ZPBP2: variants seen among roughly 807,000 people sequenced by gnomAD.
ZPBP2 encodes zona pellucida binding protein 2, also known as zona pellucida-binding protein 2.
Under a neutral mutation model 37.5 loss-of-function variants are expected in ZPBP2, and 34 were observed. The ratio of observed to expected loss-of-function variants is 0.91; its 90% CI spans 0.69 to 1.21. The LOEUF (loss-of-function observed/expected upper bound fraction) is 1.21, where lower values mean the gene tolerates loss of function less well. ZPBP2 is among the 50% of genes most tolerant of loss of function. The pLI is 0.00. For synonymous variants in ZPBP2, 143 were observed against 138.4 expected, an observed-to-expected ratio of 1.03 and a Z score of -0.23; for missense variants, 397 against 413.5, an observed-to-expected ratio of 0.96 and a Z score of 0.35.
chr17:39,872,524 G>A (rs375443146), intron 5 of ZPBP2, 36 bp downstream of exon 5: 2 of 1,346,224 alleles, frequency 1.5e-6, no homozygotes, highest in African/African-American at 3.0e-5. Context: ...TTTGAATTTA[G>A]TCCTGAACCA....
rs771127144 is a variant in ZPBP2 at position 39,872,500 on chromosome 17, A to G, written c.625+12A>G. On this transcript the variant is annotated intron_variant, in intron 5 of 7. Transcript: ENST00000348931. ...TATAGCATTTCAAGGTAAAATTTTT[A>G]AAATTTCTTTAATTTTGAATTTAGT... is the stretch of plus-strand genomic sequence containing the variant. 1.9e-6 allele frequency: 3 copies of G among 1,539,642 alleles called. No individual in the cohort carries two copies. In the South Asian group the frequency reaches 3.7e-5, roughly 19 times the overall value.
In ZPBP2 at chr17:39,874,033, G is replaced by GGAGT. The variant is rs544219564; in HGVS notation, c.708+909_708+912dup. 8.2e-5 allele frequency among the ~76,000 whole-genome samples: 11 copies of GGAGT among 134,710 alleles called. 1 individual carries two copies. In the South Asian group the frequency reaches 2.5e-3, roughly 31 times the overall value. The allele number at this position is 134,710 out of a possible 152,430, so 88.4% of individuals were successfully genotyped here. On this transcript the variant is annotated intron_variant, in intron 6 of 7. Coordinates refer to ENST00000348931, the MANE Select transcript of ZPBP2 (RefSeq NM_199321.3). ...GGAGTCTTGCTCTGTTGCCCAGGCT[G>GGAGT]GAGTGCAGTGGTGGCCATCTCAGCT...
chr17:39,876,820 ATTGTTACTTAC>A lies in ZPBP2; in HGVS notation c.*16_*26del. The A allele has an allele frequency of 6.2e-7, 1 of 1,612,950 alleles. No homozygotes were observed. The highest frequency in any genetic ancestry group is 8.5e-7 in the Non-Finnish European group (1 of 1,179,288). ...CAATATGAAGATTAGAGGTGAAAGC[ATTGTTACTTAC>A]TTGTGGAAGTCGGGGACATAAGATG... On this transcript the variant is annotated 3_prime_UTR_variant, in exon 8 of 8. Coordinates refer to ENST00000348931, the MANE Select transcript of ZPBP2 (RefSeq NM_199321.3).
At chr17:39,869,775 T>G (rs1442986905) in intron 2 of ZPBP2, among the ~76,000 whole-genome samples, 1 of 138,266 alleles carries the variant, frequency 7.2e-6, no homozygotes, top group Non-Finnish European at 1.5e-5. Flanking sequence ...TGCAGTGGTG[T>G]GATCTCGGGT....
At chr17:39,871,379 T>A (rs2063363791) in intron 3 of ZPBP2, 85 bp from the exon 4 acceptor site, 2 of 958,214 alleles carry the variant, frequency 2.1e-6, no homozygotes, top group East Asian at 3.0e-5. Context: ...ATTTTTAAAA[T>A]TTTTGTATCT....
intron 6 of ZPBP2, 57 bp downstream of exon 6, chr17:39,873,183 G>A: frequency 1.9e-6 from 3 of 1,542,692 alleles, no homozygotes; most frequent in Non-Finnish European, 2.6e-6. Context: ...TAGAGACAGG[G>A]TGTCACCCAG....
chr17:39,876,213 C>A (rs1241950246), intron 7 of ZPBP2, among the ~76,000 whole-genome samples: 1 of 152,038 alleles, frequency 6.6e-6, no homozygotes, highest in Non-Finnish European at 1.5e-5. Flanking sequence ...GCCACTGCGC[C>A]CAGCCAAAGC....
intron 2 of ZPBP2, among the ~76,000 whole-genome samples, chr17:39,869,948 A>G (rs1313452635): frequency 6.6e-6 from 1 of 151,724 alleles, no homozygotes; most frequent in Non-Finnish European, 1.5e-5. Context: ...CTCCTGAGCT[A>G]GGTGACCCAC....
chr17:39,871,569 A>C lies in ZPBP2; in HGVS notation c.350A>C (p.Lys117Thr). The C allele has an allele frequency of 6.2e-7, 1 of 1,601,368 alleles. No homozygotes were observed. The highest frequency in any genetic ancestry group is 1.1e-5 in the South Asian group (1 of 87,608). The change falls in exon 4 of 8, where the codon AAA becomes ACA. Residue 117 changes from lysine (K) to threonine (T), a missense_variant. Transcript: ENST00000348931. ...YTCTLSYKTV[K>T]AETQEEKTVK... ...TGTACTCTTTCTTATAAGACTGTTAAAGCAGAAACTCAAGAAGAAAAAACA... is the reference window on the plus strand; with the variant it reads ...TGTACTCTTTCTTATAAGACTGTTACAGCAGAAACTCAAGAAGAAAAAACA...
At chr17:39,875,629 C>T in intron 7 of ZPBP2, among the ~76,000 whole-genome samples, 195 bp downstream of exon 7, 1 of 150,456 alleles carries the variant, frequency 6.6e-6, no homozygotes. Context: ...GATAGAGTCT[C>T]ACTCTTTCAC....
chr17:39,875,310 C>T lies in ZPBP2; in HGVS notation c.765C>T (p.Asn255=), dbSNP rs770713899. ...FRSQAYIFYH[N]FNKTLPAMHF... is the part of the protein sequence containing the mutation. The stretch of plus-strand genomic sequence containing the variant: ...GCCAAGCATATATTTTCTACCATAA[C>T]TTTAATAAAACTCTACCAGCAATGC... The change falls in exon 7 of 8, where the codon AAC becomes AAT. Residue 255 remains asparagine, a synonymous_variant. Transcript: ENST00000348931. 1.2e-6 allele frequency: 2 copies of T among 1,613,978 alleles called. No individual in the cohort carries two copies. Among genetic ancestry groups the T allele is most frequent in the East Asian group, 2.2e-5 (1 of 44,878 alleles).
rs199994111 is a variant in ZPBP2 at position 39,868,421 on chromosome 17, A to G, written c.52+15A>G. The G allele has an allele frequency of 4.1e-5, 66 of 1,610,644 alleles. No homozygotes were observed. The highest frequency in any genetic ancestry group is 5.5e-5 in the Non-Finnish European group (65 of 1,179,816). On this transcript the variant is annotated intron_variant, in intron 1 of 7. Coordinates refer to ENST00000348931, the MANE Select transcript of ZPBP2 (RefSeq NM_199321.3). ...CCTCACAGGAGGTGGGGCTCCCTCCACCCGGTCCCCAGGCCTCTCCCTCTG... is the reference window on the plus strand; with the variant it reads ...CCTCACAGGAGGTGGGGCTCCCTCCGCCCGGTCCCCAGGCCTCTCCCTCTG...
At chr17:39,870,131 C>T (rs1459295505) in intron 2 of ZPBP2, among the ~76,000 whole-genome samples, 1 of 152,122 alleles carries the variant, frequency 6.6e-6, no homozygotes, top group East Asian at 1.9e-4. Flanking sequence ...GCAGCCTCTG[C>T]CTCCCGGGTT....
chr17:39,874,412 GT>G (rs1480672076), intron 6 of ZPBP2, among the ~76,000 whole-genome samples: 7 of 152,158 alleles, frequency 4.6e-5, no homozygotes, highest in Non-Finnish European at 8.8e-5. Context: ...TTCAAAACAA[GT>G]TTTTTAATCT....
chr17:39,875,257 A>G lies in ZPBP2; in HGVS notation c.712A>G (p.Arg238Gly), dbSNP rs987921505. The change falls in exon 7 of 8, where the codon AGA (arginine) becomes GGA (glycine). Residue 238 changes from arginine to glycine, a missense_variant. Coordinates refer to ENST00000348931, the MANE Select transcript of ZPBP2 (RefSeq NM_199321.3). ...DTTNHNILQARDRIEDFFRSQ... is the reference protein window; with the variant it reads ...DTTNHNILQAGDRIEDFFRSQ... ...CTCTGGTATTTTTCAACCTTAGGCA[A>G]GAGATCGAATAGAAGACTTTTTTCG... 2.5e-6 allele frequency: 4 copies of G among 1,606,674 alleles called. No individual in the cohort carries two copies. The highest frequency in any genetic ancestry group is 2.2e-5 in the East Asian group (1 of 44,748).
chr17:39,871,658 TTAG>T, intron 4 of ZPBP2, 33 bp downstream of exon 4: 1 of 1,482,126 alleles, frequency 6.7e-7, no homozygotes, highest in Non-Finnish European at 9.0e-7. Flanking sequence ...ACTTATACAT[TTAG>T]TTTGGATCGT....
intron 6 of ZPBP2, among the ~76,000 whole-genome samples, chr17:39,873,953 C>T (rs191267365): frequency 6.7e-6 from 1 of 148,892 alleles, no homozygotes; most frequent in East Asian, 2.0e-4. Flanking sequence ...TTTACATCAT[C>T]GGTTTATAAT....
chr17:39,875,511 C>T, intron 7 of ZPBP2, 77 bp downstream of exon 7: 2 of 1,072,874 alleles, frequency 1.9e-6, no homozygotes, highest in Non-Finnish European at 2.5e-6. Context: ...CTTGGCATAA[C>T]TGAATAGAAT....
At chr17:39,872,660 A>G (rs1172022247) in intron 5 of ZPBP2, among the ~76,000 whole-genome samples, 172 bp downstream of exon 5, 1 of 152,042 alleles carries the variant, frequency 6.6e-6, no homozygotes, top group Non-Finnish European at 1.5e-5. Flanking sequence ...TTAACACACT[A>G]ATTAATTACT....
Sources: allele counts gnomAD v4.1 joint callset (sites outside exome capture counted in the v4.1 genomes callset), GRCh38; gene constraint gnomAD v4.1.1; transcripts MANE v1.5; gene names NCBI Gene and HGNC (gene_info 2026-07-23, HGNC 2026-07-21).